Variants in SLC16A6 observed in about 807,000 individuals in gnomAD.
SLC16A6 encodes monocarboxylate transporter 7.
SLC16A6 carries 15 observed loss-of-function variants against 33.8 expected under a neutral mutation model. The observed-to-expected ratio is 0.44, with a 90% CI of 0.30 to 0.68. The LOEUF (loss-of-function observed/expected upper bound fraction) is 0.68. Ranked by LOEUF, SLC16A6 falls within the 30% of genes least tolerant of loss-of-function variation. SLC16A6 has a pLI of 0.10. For missense variants in SLC16A6, 451 were observed against 661.5 expected (o/e 0.68, Z 3.49); for synonymous variants, 219 against 248.4 (o/e 0.88, Z 1.11).
At chr17:68,277,808 G>A (rs1193829410) in intron 2 of SLC16A6, among the ~76,000 whole-genome samples, 2 of 152,258 alleles carry the variant, frequency 1.3e-5, no homozygotes, top group East Asian at 3.9e-4. Flanking sequence ...ACTCCTTAAG[G>A]GAATCTACAG....
At position 68,278,244 on chromosome 17, in the gene SLC16A6, G is replaced by A. The variant is rs781832161; in HGVS notation, c.77C>T (p.Ala26Val). ...TEVPDGGWGW[A>V]VAVSFFFVEV... ...AACGAAGAAAAATGAAACAGCTACCGCCCAGCCCCATCCTCCATCAGGCAC... is the reference window on the plus strand; with the variant it reads ...AACGAAGAAAAATGAAACAGCTACCACCCAGCCCCATCCTCCATCAGGCAC... The change falls in exon 2 of 6, where the codon GCG becomes GTG. Residue 26 changes from alanine to valine, a missense_variant. Transcript: ENST00000580666. 54 of 1,613,964 alleles carry A rather than the reference G, an allele frequency of 3.3e-5. No individual in the cohort carries two copies. The highest frequency in any genetic ancestry group is 1.6e-4 in the Middle Eastern group (1 of 6,084).
intron 1 of SLC16A6, among the ~76,000 whole-genome samples, chr17:68,279,745 A>G (rs2075633428): frequency 6.6e-6 from 1 of 152,206 alleles, no homozygotes; most frequent in African/African-American, 2.4e-5. Context: ...GCACATGAAT[A>G]CTGTCTTTTT....
chr17:68,284,080 A>G (rs1345827714), intron 1 of SLC16A6, among the ~76,000 whole-genome samples: 1 of 134,960 alleles, frequency 7.4e-6, no homozygotes, highest in Non-Finnish European at 1.6e-5. Flanking sequence ...TGAGCAATAG[A>G]GCAATAGAGT....
intron 1 of SLC16A6, 24 bp from the exon 2 acceptor site, chr17:68,278,351 T>A: frequency 6.6e-7 from 1 of 1,517,838 alleles, no homozygotes; most frequent in Non-Finnish European, 9.1e-7. Flanking sequence ...TTAAAAGCAA[T>A]TCAGATCAGC....
At chr17:68,287,049 T>C (rs1240369690) in intron 1 of SLC16A6, among the ~76,000 whole-genome samples, 2 of 152,116 alleles carry the variant, frequency 1.3e-5, no homozygotes, top group African/African-American at 4.8e-5. Flanking sequence ...CATGGCACAA[T>C]CTCAGCTCAC....
chr17:68,278,499 G>C (rs2075595030), intron 1 of SLC16A6, among the ~76,000 whole-genome samples, 172 bp from the exon 2 acceptor site: 1 of 152,054 alleles, frequency 6.6e-6, no homozygotes, highest in African/African-American at 2.4e-5. Flanking sequence ...ATCCAGGCTA[G>C]AGTGCAGTGG....
At chr17:68,275,062 G>A (rs1441342024) in intron 2 of SLC16A6, among the ~76,000 whole-genome samples, 2 of 152,200 alleles carry the variant, frequency 1.3e-5, no homozygotes, top group Admixed American at 1.3e-4. Context: ...TTACAGGCGT[G>A]AGCCACCGCG....
chr17:68,287,552 G>A (rs2075869467), intron 1 of SLC16A6, among the ~76,000 whole-genome samples: 1 of 152,086 alleles, frequency 6.6e-6, no homozygotes, highest in Non-Finnish European at 1.5e-5. Context: ...TTATGTCTGA[G>A]CTATTCTACT....
intron 2 of SLC16A6, 92 bp from the exon 3 acceptor site, chr17:68,274,162 A>G: frequency 7.3e-7 from 1 of 1,363,410 alleles, no homozygotes; most frequent in South Asian, 1.3e-5. Context: ...GCACATGGAG[A>G]GATGATGTCG....
intron 1 of SLC16A6, among the ~76,000 whole-genome samples, chr17:68,283,501 ACAGAG>A (rs1381142965): frequency 6.8e-6 from 1 of 146,596 alleles, no homozygotes; most frequent in East Asian, 2.0e-4. Context: ...AGCCTGGGCG[ACAGAG>A]TGAGACTCCG....
At position 68,269,167 on chromosome 17, in the gene SLC16A6, G is replaced by C. The variant is rs782530847; in HGVS notation, c.1501C>G (p.Pro501Ala). ...AGATCCATTTCCAGAAAGTCTTCAG[G>C]TATGTCCTGTAAAGTCTTCCCACGA... is the stretch of plus-strand genomic sequence containing the variant. ...SHRGKTLQDI[P>A]EDFLEMDLAK... is the part of the protein sequence containing the mutation. The change falls in exon 6 of 6, where the codon CCT becomes GCT. Residue 501 changes from proline (P) to alanine (A), a missense_variant. Physicochemically the swap from Pro to Ala is conservative, Grantham distance 27. Transcript: ENST00000580666. 1.9e-6 allele frequency: 3 copies of C among 1,549,690 alleles called. No homozygotes were observed. The highest frequency in any genetic ancestry group is 4.2e-5 in the Admixed American group (2 of 47,978).
chr17:68,268,881 G>C lies in SLC16A6; in HGVS notation c.*215C>G, dbSNP rs1555747363. 1.0e-6 allele frequency: 1 copy of C among 957,932 alleles called. No individual in the cohort carries two copies. The highest frequency in any genetic ancestry group is 1.5e-6 in the Non-Finnish European group (1 of 671,498). 59.3% of individuals were successfully genotyped at this position (957,932 alleles called of 1,614,324 possible). A position where few individuals can be genotyped will look rare whatever the true frequency, so the allele number is the denominator to read the frequency against. ...ATGGAAGAGTGCTTGGTTGTTTTTT[G>C]TTTTGGCTTTAAAAACAAGCAAAAA... On this transcript the variant is annotated 3_prime_UTR_variant, in exon 6 of 6. Coordinates refer to ENST00000580666, the MANE Select transcript of SLC16A6 (RefSeq NM_004694.5).
upstream of SLC16A6, chr17:68,291,461 G>T (rs1365344877): frequency 2.0e-5 from 3 of 150,798 alleles, no homozygotes; most frequent in Non-Finnish European, 3.0e-5. Context: ...AGCGCTGAGC[G>T]CAGCCAAGGA....
intron 1 of SLC16A6, among the ~76,000 whole-genome samples, chr17:68,280,930 GC>G: frequency 6.6e-6 from 1 of 152,210 alleles, no homozygotes; most frequent in Middle Eastern, 3.4e-3. Context: ...TTTGAGACCA[GC>G]CTGGGCAACA....
At position 68,270,720 on chromosome 17, in the gene SLC16A6, C is replaced by T. The variant is rs780281360; in HGVS notation, c.1321+119G>A. The T allele has an allele frequency of 3.2e-4, 274 of 854,136 alleles. 1 individual carries two copies. The highest frequency in any genetic ancestry group is 6.7e-4 in the Admixed American group (23 of 34,298). The allele number at this position is 854,136 out of a possible 1,614,324, so 52.9% of individuals were successfully genotyped here. A position where few individuals can be genotyped will look rare whatever the true frequency, so the allele number is the denominator to read the frequency against. ...TCAGGTAATCTCTAATCCCTGGCAG[C>T]TCTAAAATTCAATGGAAATATAAAA... On this transcript the variant is annotated intron_variant, in intron 5 of 5. Transcript: ENST00000580666.
chr17:68,288,837 C>T (rs1300445917), intron 1 of SLC16A6, among the ~76,000 whole-genome samples: 1 of 152,146 alleles, frequency 6.6e-6, no homozygotes, highest in Admixed American at 6.6e-5. Context: ...ACCACAGAAT[C>T]CTGAACTTCT....
At chr17:68,288,006 T>G (rs75635139) in intron 1 of SLC16A6, among the ~76,000 whole-genome samples, 4,463 of 147,842 alleles carry the variant, frequency 0.03, 133 homozygotes, top group African/African-American at 0.077. Context: ...TTTTTTTTTT[T>G]GGGGGTTGGG....
At chr17:68,284,907 A>T (rs1266339508) in intron 1 of SLC16A6, among the ~76,000 whole-genome samples, 1 of 152,122 alleles carries the variant, frequency 6.6e-6, no homozygotes, top group Non-Finnish European at 1.5e-5. Flanking sequence ...TCTGAGGTCT[A>T]TTTCTCTTTG....
At chr17:68,285,567 G>A (rs1250833957) in intron 1 of SLC16A6, 1 of 152,356 alleles carries the variant, frequency 6.6e-6, no homozygotes, top group African/African-American at 2.4e-5. Flanking sequence ...CTACTCGGGA[G>A]GCTGCGGTGG....
Sources: gnomAD v4.1 joint callset for allele counts (sites outside exome capture counted in the v4.1 genomes callset) on GRCh38, gnomAD v4.1.1 for gene constraint, MANE v1.5 for transcripts, NCBI Gene and HGNC (gene_info 2026-07-23, HGNC 2026-07-21) for gene names.